Variants in BBX observed in about 807,000 individuals in gnomAD.
BBX encodes HMG box transcription factor BBX.
A neutral mutation model predicts 100.2 loss-of-function variants in BBX; 30 were observed. The observed-to-expected ratio is 0.30, with a 90% CI of 0.22 to 0.41. The LOEUF is 0.41. Among genes scored for constraint, BBX ranks in the 10% least tolerant of loss-of-function variants. BBX has a pLI of 1.00. For missense variants in BBX, 1,023 were observed against 1,129.8 expected (o/e 0.91, Z 1.35); for synonymous variants, 376 against 388.1 (o/e 0.97, Z 0.37).
intron 2 of BBX, among the ~76,000 whole-genome samples, chr3:107,611,196 A>G (rs1044107694): frequency 2.6e-5 from 4 of 152,064 alleles, no homozygotes; most frequent in African/African-American, 9.7e-5. Context: ...TTATTGTACG[A>G]TGCATGTCTT....
chr3:107,562,393 G>C (rs1363188573), intron 2 of BBX, among the ~76,000 whole-genome samples: 3 of 152,046 alleles, frequency 2.0e-5, no homozygotes, highest in Non-Finnish European at 2.9e-5. Flanking sequence ...TTCTTTAGAG[G>C]CTGAGTCATT....
At chr3:107,654,342 C>G (rs1334496624) in intron 3 of BBX, among the ~76,000 whole-genome samples, 1 of 152,082 alleles carries the variant, frequency 6.6e-6, no homozygotes, top group East Asian at 1.9e-4. Flanking sequence ...AAAGATATAT[C>G]TTTCTAATAA....
intron 10 of BBX, among the ~76,000 whole-genome samples, chr3:107,756,233 G>A (rs574786641): frequency 6.6e-6 from 1 of 152,282 alleles, no homozygotes; most frequent in Admixed American, 6.5e-5. Flanking sequence ...ATTAGTGGGG[G>A]ATGGATTGGG....
intron 3 of BBX, among the ~76,000 whole-genome samples, chr3:107,653,396 T>C (rs1258663960): frequency 1.3e-5 from 2 of 152,174 alleles, no homozygotes; most frequent in African/African-American, 4.8e-5. Context: ...TTGGTTCATG[T>C]TGGGCTTTAA....
chr3:107,763,947 G>A (rs559489136), intron 10 of BBX, among the ~76,000 whole-genome samples: 1 of 152,230 alleles, frequency 6.6e-6, no homozygotes, highest in Non-Finnish European at 1.5e-5. Context: ...TTGCTGGGCC[G>A]GACCAAGCAG....
intron 2 of BBX, among the ~76,000 whole-genome samples, chr3:107,603,156 G>C (rs1245470016): frequency 6.6e-6 from 1 of 151,966 alleles, no homozygotes; most frequent in African/African-American, 2.4e-5. Context: ...AGTAGAGACG[G>C]GGTTTCACCC....
chr3:107,625,432 T>G (rs2056096436), intron 2 of BBX, among the ~76,000 whole-genome samples: 3 of 152,090 alleles, frequency 2.0e-5, no homozygotes, highest in Admixed American at 2.0e-4. Context: ...CATGCGCCAC[T>G]ACACCCAGCT....
intron 5 of BBX, among the ~76,000 whole-genome samples, chr3:107,723,614 A>G (rs535844716): frequency 1.3e-4 from 19 of 151,750 alleles, no homozygotes; most frequent in African/African-American, 4.6e-4. Flanking sequence ...CCTGTTTCCA[A>G]GTGTTCTCAT....
chr3:107,632,029 A>G (rs1480204790), intron 2 of BBX, among the ~76,000 whole-genome samples: 4 of 152,210 alleles, frequency 2.6e-5, no homozygotes, highest in African/African-American at 7.2e-5. Context: ...ACAGGTTTCA[A>G]TTTCAGATCC....
chr3:107,557,601 G>A (rs1173733228), intron 2 of BBX, among the ~76,000 whole-genome samples: 1 of 152,186 alleles, frequency 6.6e-6, no homozygotes, highest in Non-Finnish European at 1.5e-5. Context: ...TACCCTCCAG[G>A]AACTCCACTG....
intron 2 of BBX, among the ~76,000 whole-genome samples, chr3:107,611,315 A>G (rs954057390): frequency 4.6e-5 from 7 of 152,126 alleles, no homozygotes; most frequent in African/African-American, 1.7e-4. Context: ...TTTTCTGTGT[A>G]CTATCAACCA....
chr3:107,551,539 G>T (rs2049681380), intron 2 of BBX, among the ~76,000 whole-genome samples: 1 of 152,212 alleles, frequency 6.6e-6, no homozygotes, highest in African/African-American at 2.4e-5. Flanking sequence ...ACTGTAAGAA[G>T]AGGCAATATA....
intron 2 of BBX, among the ~76,000 whole-genome samples, chr3:107,605,174 A>G (rs1249370743): frequency 6.6e-6 from 1 of 152,202 alleles, no homozygotes; most frequent in Admixed American, 6.5e-5. Flanking sequence ...GATTAACAAC[A>G]GAAGGAAATA....
Position 107,748,001 on chromosome 3 carries a change from A to G in BBX, c.787A>G (p.Lys263Glu). 2 of 1,613,590 alleles carry G rather than the reference A, an allele frequency of 1.2e-6. No homozygotes were observed. The highest frequency in any genetic ancestry group is 1.7e-6 in the Non-Finnish European group (2 of 1,179,716). The change falls in exon 9 of 18, where the codon AAG becomes GAG. Residue 263 changes from lysine to glutamate, a missense_variant. Around this residue, in one of 9 missense-constraint regions of BBX, gnomAD observed 95 missense variants for 95.1 expected, o/e 1.00. Coordinates refer to ENST00000325805, the MANE Select transcript of BBX (RefSeq NM_001142568.3). ...SSTSHSDASTKQCQTSALFQF... is the reference protein window; with the variant it reads ...SSTSHSDASTEQCQTSALFQF... The stretch of plus-strand genomic sequence containing the variant: ...TACGTCCCACTCTGATGCTTCTACA[A>G]AGCAGTGTCAAACATCTGCCTTGTT...
At chr3:107,559,436 C>T (rs1037887825) in intron 2 of BBX, among the ~76,000 whole-genome samples, 1 of 152,166 alleles carries the variant, frequency 6.6e-6, no homozygotes, top group African/African-American at 2.4e-5. Context: ...GGAGCCACTG[C>T]AGGTGCTAGC....
chr3:107,618,246 T>A (rs1389025693), intron 2 of BBX, among the ~76,000 whole-genome samples: 1 of 152,080 alleles, frequency 6.6e-6, no homozygotes, highest in Non-Finnish European at 1.5e-5. Context: ...TATAATTTCT[T>A]TTAGATATTT....
At chr3:107,609,698 C>G (rs377115711) in intron 2 of BBX, among the ~76,000 whole-genome samples, 1 of 151,976 alleles carries the variant, frequency 6.6e-6, no homozygotes, top group Non-Finnish European at 1.5e-5. Context: ...TCTAGTGATT[C>G]TTTGAATTTC....
chr3:107,593,486 A>G (rs1189778699), intron 2 of BBX, among the ~76,000 whole-genome samples: 2 of 152,238 alleles, frequency 1.3e-5, no homozygotes, highest in Admixed American at 6.5e-5. Flanking sequence ...AAGGATTCAG[A>G]AAACAGACTT....
chr3:107,609,126 G>C (rs2054652746), intron 2 of BBX, among the ~76,000 whole-genome samples: 2 of 152,158 alleles, frequency 1.3e-5, no homozygotes, highest in African/African-American at 4.8e-5. Flanking sequence ...TCCTTGTCTT[G>C]TTCCAGATCT....
Sources: gnomAD v4.1 joint callset for allele counts (sites outside exome capture counted in the v4.1 genomes callset) on GRCh38, gnomAD v4.1.1 for gene constraint, gnomAD v4.1.1 regional missense constraint, MANE v1.5 for transcripts, NCBI Gene and HGNC (gene_info 2026-07-23, HGNC 2026-07-21) for gene names.